The following SLC38A9 variants were observed in gnomAD, a reference collection of about 807,000 sequenced individuals.
SLC38A9 encodes the protein neutral amino acid transporter 9.
In SLC38A9, 48 loss-of-function variants were observed where a neutral mutation model predicts 62.3. The observed-to-expected ratio is 0.77, with a 90% CI of 0.61 to 0.98. The LOEUF (loss-of-function observed/expected upper bound fraction) is 0.98, where lower values mean the gene tolerates loss of function less well. Ranked by LOEUF, SLC38A9 falls within the 50% of genes least tolerant of loss-of-function variation. SLC38A9 has a pLI of 0.00. For missense variants in SLC38A9, 541 were observed against 679.8 expected (o/e 0.80, Z 2.27); for synonymous variants, 204 against 227.7 (o/e 0.90, Z 0.94).
chr5:55,636,588 C>T (rs1056508673), intron 12 of SLC38A9, among the ~76,000 whole-genome samples: 3 of 152,120 alleles, frequency 2.0e-5, no homozygotes, highest in African/African-American at 7.2e-5. Flanking sequence ...TTTGATAGCA[C>T]AATAAAAAAA....
chr5:55,627,747 A>G, intron 15 of SLC38A9, 144 bp downstream of exon 15: 1 of 540,114 alleles, frequency 1.9e-6, no homozygotes, highest in South Asian at 3.2e-5. Flanking sequence ...CTTAACTGAT[A>G]CCAAGGGGCT....
At chr5:55,677,582 G>T (rs980491210) in intron 3 of SLC38A9, among the ~76,000 whole-genome samples, 2 of 152,066 alleles carry the variant, frequency 1.3e-5, no homozygotes, top group African/African-American at 4.8e-5. Context: ...TGTCGCCCAG[G>T]CTAGAGTACC....
At chr5:55,662,534 G>A (rs1033229445) in intron 8 of SLC38A9, among the ~76,000 whole-genome samples, 1 of 152,128 alleles carries the variant, frequency 6.6e-6, no homozygotes. Flanking sequence ...GCTGGGTGTG[G>A]TGGTGCACGC....
intron 3 of SLC38A9, among the ~76,000 whole-genome samples, chr5:55,695,297 CT>C (rs1755343832): frequency 7.9e-6 from 1 of 127,224 alleles, no homozygotes. Flanking sequence ...ATTGATCATT[CT>C]TGGGTGTTTC....
At chr5:55,691,172 T>A in intron 3 of SLC38A9, 2 of 804,222 alleles carry the variant, frequency 2.5e-6, no homozygotes, top group Non-Finnish European at 4.2e-6. Flanking sequence ...AACTTTTGGT[T>A]AGGACTTCAT....
chr5:55,631,791 TAA>T (rs527565814), intron 14 of SLC38A9, among the ~76,000 whole-genome samples: 108 of 152,264 alleles, frequency 7.1e-4, no homozygotes, highest in African/African-American at 2.3e-3. Context: ...AAATTTTATT[TAA>T]GTTATCTTTC....
intron 12 of SLC38A9, among the ~76,000 whole-genome samples, chr5:55,638,623 C>T (rs755337004): frequency 7.9e-5 from 12 of 152,132 alleles, no homozygotes; most frequent in Admixed American, 3.3e-4. Flanking sequence ...ATTTGTTCCA[C>T]GTACCGTTCA....
chr5:55,686,592 T>G (rs915686196), intron 3 of SLC38A9, among the ~76,000 whole-genome samples: 2 of 152,100 alleles, frequency 1.3e-5, no homozygotes, highest in African/African-American at 4.8e-5. Flanking sequence ...CATTGATAGT[T>G]TCTTTTGCCG....
At position 55,697,866 on chromosome 5, in the gene SLC38A9, T is replaced by C. The variant is rs1756126744; in HGVS notation, c.93A>G (p.Pro31=). ...CTTACCTTTTGGATCTTAGATCCGA[T>C]GGCTCAAACTGGATATTCATAGGTC... ...DPGPMNIQFE[P]SDLRSKRPFC... is the part of the protein sequence containing the mutation. The change falls in exon 3 of 16, where the codon CCA becomes CCG. Residue 31 remains proline (P), a synonymous_variant. Coordinates refer to ENST00000396865, the MANE Select transcript of SLC38A9 (RefSeq NM_173514.4). 6.3e-7 allele frequency: 1 copy of C among 1,586,620 alleles called. No individual in the cohort carries two copies. The highest frequency in any genetic ancestry group is 2.3e-5 in the East Asian group (1 of 44,230).
At chr5:55,628,038 A>G (rs1742776626) in intron 14 of SLC38A9, 58 bp from the exon 15 acceptor site, 1 of 1,069,664 alleles carries the variant, frequency 9.3e-7, no homozygotes, top group Admixed American at 1.7e-5. Flanking sequence ...GGCAAATTAT[A>G]ACCACTAATA....
At chr5:55,680,218 T>TAGAGAGAGAGAG (rs772132280) in intron 3 of SLC38A9, among the ~76,000 whole-genome samples, 1 of 111,602 alleles carries the variant, frequency 9.0e-6, no homozygotes, top group African/African-American at 3.2e-5. Flanking sequence ...TATATATCTA[T>TAGAGAGAGAGAG]ATATATATAG....
chr5:55,680,228 G>T (rs6878995), intron 3 of SLC38A9, among the ~76,000 whole-genome samples: 20,988 of 151,506 alleles, frequency 0.14, 2,549 homozygotes, highest in African/African-American at 0.31. Flanking sequence ...TATATATATA[G>T]AGAGAGAGAG....
In SLC38A9 at chr5:55,694,737, T is replaced by TTCTCC. The variant is rs955898263; in HGVS notation, c.113+3104_113+3108dup. ...CTCCCCTCCCCTCCGCTCCCCACCC[T>TTCTCC]TCTCCTCTCCTCTCCTCTCCTTTCC... On this transcript the variant is annotated intron_variant, in intron 3 of 15. Transcript: ENST00000396865. Among the ~76,000 whole-genome samples the TTCTCC allele has an allele frequency of 4.9e-3, 386 of 78,900 alleles. 1 individual carries two copies. The highest frequency in any genetic ancestry group is 0.017 in the African/African-American group (365 of 21,114). The allele number at this position is 78,900 out of a possible 152,430, so 51.8% of individuals were successfully genotyped here. A position where few individuals can be genotyped will look rare whatever the true frequency, so the allele number is the denominator to read the frequency against.
intron 8 of SLC38A9, among the ~76,000 whole-genome samples, chr5:55,662,948 T>G (rs1416420445): frequency 6.6e-6 from 1 of 150,576 alleles, no homozygotes; most frequent in African/African-American, 2.4e-5. Context: ...CAGGCTGGAG[T>G]GCAGTGGTGC....
At chr5:55,654,964 A>C (rs1748137879) in intron 9 of SLC38A9, among the ~76,000 whole-genome samples, 2 of 152,066 alleles carry the variant, frequency 1.3e-5, no homozygotes, top group African/African-American at 4.8e-5. Flanking sequence ...CAGCCTCCCG[A>C]GTAGCTCGGA....
At chr5:55,711,967 C>G (rs879672638) in intron 1 of SLC38A9, among the ~76,000 whole-genome samples, 1 of 152,178 alleles carries the variant, frequency 6.6e-6, no homozygotes, top group Non-Finnish European at 1.5e-5. Flanking sequence ...TTCCTCAGAC[C>G]CCGAGGGACT....
At chr5:55,707,024 C>T (rs1444352707) in intron 2 of SLC38A9, among the ~76,000 whole-genome samples, 4 of 151,706 alleles carry the variant, frequency 2.6e-5, no homozygotes, top group Non-Finnish European at 5.9e-5. Context: ...TTGCTGCAAC[C>T]TCCTCCCGCC....
Position 55,627,952 on chromosome 5 carries a change from T to G in SLC38A9, c.1459A>C (p.Ile487Leu). ...SIFHVLILNLIIVGAGVIMAC... is the reference protein window; with the variant it reads ...SIFHVLILNLLIVGAGVIMAC... The stretch of plus-strand genomic sequence containing the variant: ...ATGATCACTCCAGCTCCCACAATAA[T>G]TAGATTAAGAATCAGCACATGGAAA... The change falls in exon 15 of 16, where the codon ATT becomes CTT. Residue 487 changes from isoleucine (I) to leucine (L), a missense_variant. Physicochemically the swap from Ile to Leu is conservative, Grantham distance 5. Coordinates refer to ENST00000396865, the MANE Select transcript of SLC38A9 (RefSeq NM_173514.4). 1 of 1,612,610 alleles carries G rather than the reference T, an allele frequency of 6.2e-7. No individual in the cohort carries two copies. The highest frequency in any genetic ancestry group is 2.2e-5 in the East Asian group (1 of 44,804).
At chr5:55,653,917 A>G (rs1420497879) in intron 9 of SLC38A9, among the ~76,000 whole-genome samples, 1 of 152,216 alleles carries the variant, frequency 6.6e-6, no homozygotes, top group Non-Finnish European at 1.5e-5. Flanking sequence ...TTGGCCTCCC[A>G]AAGTGCTGGG....
Sources: allele counts gnomAD v4.1 joint callset (sites outside exome capture counted in the v4.1 genomes callset), GRCh38; gene constraint gnomAD v4.1.1; transcripts MANE v1.5; gene names NCBI Gene and HGNC (gene_info 2026-07-23, HGNC 2026-07-21).